ZNF26: variants seen among roughly 807,000 people sequenced by gnomAD.
The protein encoded by ZNF26 is epididymis luminal protein 179.
In ZNF26, 32 loss-of-function variants were observed where a neutral mutation model predicts 54.9. The observed-to-expected ratio is 0.58, with a 90% CI of 0.44 to 0.78. ZNF26 has a LOEUF of 0.78. ZNF26 is among the 30% of genes least tolerant of loss of function. The probability of loss-of-function intolerance (pLI) is 0.00; values close to 1 mark genes in which losing one functional copy is unlikely to be tolerated. For synonymous variants in ZNF26, 221 were observed against 209.2 expected (o/e 1.06, Z -0.49); for missense variants, 524 against 634.0 (o/e 0.83, Z 1.86).
rs1428932097 is a variant in ZNF26 at position 133,010,788 on chromosome 12, A to G, written c.909A>G (p.Val303=). The G allele has an allele frequency of 9.9e-6, 16 of 1,613,862 alleles. No individual in the cohort carries two copies. The highest frequency in any genetic ancestry group is 1.6e-4 in the Middle Eastern group (1 of 6,084). Residue 303 remains valine, a synonymous_variant, in exon 4 of 4, where the codon GTA becomes GTG. Coordinates refer to ENST00000328654, the MANE Select transcript of ZNF26 (RefSeq NM_019591.4). ...KAFSLKSPFV[V]HQRTHTGVKP... The stretch of plus-strand genomic sequence containing the variant: ...TTAGTTTGAAGTCTCCATTCGTTGT[A>G]CACCAGAGAACTCATACAGGAGTGA...
chr12:132,988,565 G>A (rs1225781957), intron 1 of ZNF26, among the ~76,000 whole-genome samples: 9 of 152,208 alleles, frequency 5.9e-5, no homozygotes, highest in African/African-American at 1.2e-4. Flanking sequence ...TTGAAGTCAG[G>A]TTCATTCTCC....
intron 1 of ZNF26, among the ~76,000 whole-genome samples, chr12:132,992,130 A>C (rs1952977902): frequency 6.6e-6 from 1 of 151,966 alleles, no homozygotes; most frequent in Admixed American, 6.6e-5. Flanking sequence ...CCTGGGCAAC[A>C]GGGTAAGACC....
rs1157153350 is a variant in ZNF26 at position 133,018,419 on chromosome 12, G to C, written c.*6938G>C. 4 of 152,158 alleles carry C rather than the reference G, an allele frequency of 2.6e-5. No individual in the cohort carries two copies. Among genetic ancestry groups the C allele is most frequent in the African/African-American group, 9.7e-5 (4 of 41,436 alleles). 9.4% of individuals were successfully genotyped at this position (152,158 alleles called of 1,614,324 possible). On this transcript the variant is annotated 3_prime_UTR_variant, in exon 4 of 4. Coordinates refer to ENST00000328654, the MANE Select transcript of ZNF26 (RefSeq NM_019591.4). ...TAAAAGTCTTATTGGAATTAAGGTA[G>C]TATAAATCTGAAGTAGACTCTGATA...
At chr12:132,988,117 T>C (rs1403739076) in intron 1 of ZNF26, among the ~76,000 whole-genome samples, 3 of 152,250 alleles carry the variant, frequency 2.0e-5, no homozygotes, top group Admixed American at 2.0e-4. Flanking sequence ...CGAGCGATTC[T>C]TGAGCCTCAG....
intron 1 of ZNF26, among the ~76,000 whole-genome samples, chr12:132,999,855 A>G (rs1395191726): frequency 6.6e-6 from 1 of 151,788 alleles, no homozygotes; most frequent in African/African-American, 2.4e-5. Context: ...TATTTAGTAG[A>G]GACAGGGTTT....
chr12:133,008,708 G>A (rs985873729), intron 3 of ZNF26, among the ~76,000 whole-genome samples: 3 of 150,120 alleles, frequency 2.0e-5, no homozygotes, highest in East Asian at 2.0e-4. Flanking sequence ...CCCAGGAGGC[G>A]GAGCTTGCAG....
At chr12:133,004,592 C>A (rs1301082329) in intron 1 of ZNF26, 7 of 152,100 alleles carry the variant, frequency 4.6e-5, no homozygotes, top group Non-Finnish European at 7.4e-5. Context: ...CTCAAACCAT[C>A]CTTCCACCTC....
intron 1 of ZNF26, chr12:133,004,349 G>A (rs1460903922): frequency 1.3e-5 from 2 of 152,144 alleles, no homozygotes; most frequent in Non-Finnish European, 2.9e-5. Flanking sequence ...TCACACACAT[G>A]CTTAAATTGT....
chr12:133,011,192 A>G lies in ZNF26; in HGVS notation c.1313A>G (p.Lys438Arg). The G allele has an allele frequency of 6.2e-7, 1 of 1,614,190 alleles. No homozygotes were observed. The highest frequency in any genetic ancestry group is 8.5e-7 in the Non-Finnish European group (1 of 1,180,034). Residue 438 changes from lysine to arginine, a missense_variant, in exon 4 of 4, where the codon AAA becomes AGA. Physicochemically the swap from Lys to Arg is conservative, Grantham distance 26. Coordinates refer to ENST00000328654, the MANE Select transcript of ZNF26 (RefSeq NM_019591.4). ...CSLCERAFCGKSQLIIHQRTH... is the reference protein window; with the variant it reads ...CSLCERAFCGRSQLIIHQRTH... ...TTGTGTGAGAGAGCCTTTTGTGGAAAATCACAGCTGATTATACATCAGAGA... is the reference window on the plus strand; with the variant it reads ...TTGTGTGAGAGAGCCTTTTGTGGAAGATCACAGCTGATTATACATCAGAGA...
intron 1 of ZNF26, among the ~76,000 whole-genome samples, chr12:133,002,301 C>T (rs1447670215): frequency 6.6e-6 from 1 of 152,090 alleles, no homozygotes; most frequent in African/African-American, 2.4e-5. Flanking sequence ...CCACAGGATG[C>T]CCAGAATCCA....
At position 133,019,346 on chromosome 12, in the gene ZNF26, CAAAG is replaced by C. The variant is rs1953608625; in HGVS notation, c.*7869_*7872del. 2.6e-5 allele frequency: 2 copies of C among 77,776 alleles called. No homozygotes were observed. The highest frequency in any genetic ancestry group is 5.1e-5 in the Non-Finnish European group (2 of 38,858). 4.8% of individuals were successfully genotyped at this position (77,776 alleles called of 1,614,324 possible). A position where few individuals can be genotyped will look rare whatever the true frequency, so the allele number is the denominator to read the frequency against. ...AGCTCAAACAACTCTATAGCAAAAA[CAAAG>C]AAAAATAACAAAAAAAAAACCCCAA... On this transcript the variant is annotated 3_prime_UTR_variant, in exon 4 of 4. Transcript: ENST00000328654.
rs902083211 is a variant in ZNF26 at position 132,999,874 on chromosome 12, T to C, written c.34-7168T>C. Among the ~76,000 whole-genome samples the C allele has an allele frequency of 2.0e-4, 31 of 152,112 alleles. 1 individual carries two copies. In the South Asian group the frequency reaches 4.4e-3, roughly 21 times the overall value. On this transcript the variant is annotated intron_variant, in intron 1 of 3. Transcript: ENST00000328654. ...TAGTAGAGACAGGGTTTCACCATGT[T>C]GGTCAGGCTGGTCTCAAACTCCTGA...
At chr12:132,988,414 T>A (rs1952874774) in intron 1 of ZNF26, among the ~76,000 whole-genome samples, 1 of 151,970 alleles carries the variant, frequency 6.6e-6, no homozygotes, top group Admixed American at 6.6e-5. Flanking sequence ...TAAAAATTTT[T>A]TTTTTTTTTT....
chr12:132,997,999 C>G (rs902365130), intron 1 of ZNF26, among the ~76,000 whole-genome samples: 21 of 152,288 alleles, frequency 1.4e-4, no homozygotes, highest in African/African-American at 4.6e-4. Context: ...AATTTTCTCT[C>G]TCTGGTGTCC....
intron 1 of ZNF26, among the ~76,000 whole-genome samples, chr12:133,004,063 A>G (rs1953275328): frequency 6.6e-6 from 1 of 152,190 alleles, no homozygotes; most frequent in African/African-American, 2.4e-5. Flanking sequence ...GGTGTATCTC[A>G]TAAGTTTCAA....
At chr12:132,996,876 T>TA (rs1953095766) in intron 1 of ZNF26, among the ~76,000 whole-genome samples, 2 of 151,326 alleles carry the variant, frequency 1.3e-5, no homozygotes, top group African/African-American at 4.8e-5. Flanking sequence ...TGACTTTTCT[T>TA]ACTGGTTCTC....
intron 1 of ZNF26, among the ~76,000 whole-genome samples, chr12:133,003,257 C>CTTTT: frequency 7.4e-6 from 1 of 135,342 alleles, no homozygotes; most frequent in South Asian, 2.4e-4. Flanking sequence ...GTTCCCTTTT[C>CTTTT]TTTTTTTTTT....
At chr12:133,002,663 G>A (rs980736276) in intron 1 of ZNF26, among the ~76,000 whole-genome samples, 64 of 151,728 alleles carry the variant, frequency 4.2e-4, no homozygotes, top group East Asian at 3.9e-3. Flanking sequence ...CTTCTGTGTC[G>A]CCCAGGCTGG....
chr12:133,010,575 T>A lies in ZNF26; in HGVS notation c.696T>A (p.Cys232Ter). The change falls in exon 4 of 4, where the codon TGT becomes TGA. Residue 232 changes from cysteine (C) to a stop codon, truncating the protein, a stop_gained. Coordinates refer to ENST00000328654, the MANE Select transcript of ZNF26 (RefSeq NM_019591.4). LOFTEE classifies it high-confidence loss of function. ...ATACAGGAGAAAAACCCTACTCATGTAGTGAGTGCGAGAAGGTCTTCTCTT... is the reference window on the plus strand; with the variant it reads ...ATACAGGAGAAAAACCCTACTCATGAAGTGAGTGCGAGAAGGTCTTCTCTT... ...RVHTGEKPYSCSECEKVFSFR... is the reference protein window; with the variant it reads ...RVHTGEKPYS 1 of 1,614,118 alleles carries A rather than the reference T, an allele frequency of 6.2e-7. No homozygotes were observed. The highest frequency in any genetic ancestry group is 8.5e-7 in the Non-Finnish European group (1 of 1,179,996).
Sources: allele counts gnomAD v4.1 joint callset (sites outside exome capture counted in the v4.1 genomes callset), GRCh38; gene constraint gnomAD v4.1.1; transcripts MANE v1.5; gene names NCBI Gene and HGNC (gene_info 2026-07-23, HGNC 2026-07-21).